The following WRN variants were observed in gnomAD, a reference collection of about 807,000 sequenced individuals.
WRN encodes WRN RecQ like helicase.
WRN carries 149 observed loss-of-function variants against 180.7 expected under a neutral mutation model. The ratio of observed to expected loss-of-function variants is 0.82; its 90% CI spans 0.72 to 0.94. WRN has a LOEUF of 0.94. Among genes scored for constraint, WRN ranks in the 40% least tolerant of loss-of-function variants. The pLI, the probability that WRN is intolerant of heterozygous loss-of-function variation, is 0.00. For synonymous variants in WRN, 548 were observed against 568.9 expected, an observed-to-expected ratio of 0.96 and a Z score of 0.52; for missense variants, 1,661 against 1,700.1, an observed-to-expected ratio of 0.98 and a Z score of 0.40.
At chr8:31,130,643 G>A (rs77478166) in intron 23 of WRN, among the ~76,000 whole-genome samples, 3,745 of 144,454 alleles carry the variant, frequency 0.026, 164 homozygotes, top group African/African-American at 0.091. Flanking sequence ...TCATTTTAAA[G>A]AAGAAGTTTA....
intron 1 of WRN, among the ~76,000 whole-genome samples, chr8:31,036,339 A>G (rs1435218538): frequency 3.9e-5 from 6 of 152,226 alleles, no homozygotes; most frequent in Non-Finnish European, 8.8e-5. Flanking sequence ...AAGTGCAGAT[A>G]GCTCTTTGAC....
At chr8:31,133,447 C>T (rs180914823) in intron 24 of WRN, among the ~76,000 whole-genome samples, 26 of 151,706 alleles carry the variant, frequency 1.7e-4, no homozygotes, top group African/African-American at 5.3e-4. Flanking sequence ...ATGGCGTGAA[C>T]GTGGGAGGCG....
chr8:31,109,039 A>G (rs916149795), intron 18 of WRN, among the ~76,000 whole-genome samples: 8 of 152,214 alleles, frequency 5.3e-5, no homozygotes, highest in Admixed American at 1.3e-4. Flanking sequence ...CTGAAATACA[A>G]AATTAATAGT....
chr8:31,166,819 G>A (rs1203759491), intron 33 of WRN, among the ~76,000 whole-genome samples: 1 of 152,058 alleles, frequency 6.6e-6, no homozygotes, highest in Non-Finnish European at 1.5e-5. Context: ...TTGGATCTTG[G>A]AGGCAGGGGC....
At chr8:31,066,520 C>G (rs1461104359) in intron 5 of WRN, among the ~76,000 whole-genome samples, 1 of 151,998 alleles carries the variant, frequency 6.6e-6, no homozygotes, top group Non-Finnish European at 1.5e-5. Context: ...GGTACTCTTT[C>G]ACTTTCATAT....
chr8:31,046,950 A>G (rs1311480974), intron 1 of WRN, among the ~76,000 whole-genome samples: 2 of 152,172 alleles, frequency 1.3e-5, no homozygotes, highest in South Asian at 4.1e-4. Context: ...ATCCTGTCCG[A>G]AAAGACTGTA....
intron 1 of WRN, among the ~76,000 whole-genome samples, chr8:31,044,317 A>T (rs1056479355): frequency 6.9e-6 from 1 of 144,908 alleles, no homozygotes; most frequent in Non-Finnish European, 1.5e-5. Flanking sequence ...CTAGGATTAC[A>T]GGCGTGAGCC....
intron 18 of WRN, among the ~76,000 whole-genome samples, chr8:31,106,521 G>C (rs1393465188): frequency 6.6e-6 from 1 of 151,778 alleles, no homozygotes; most frequent in Non-Finnish European, 1.5e-5. Flanking sequence ...GTTTTTCTTC[G>C]GACATTCCAG....
intron 5 of WRN, among the ~76,000 whole-genome samples, chr8:31,066,093 AT>A (rs1455314653): frequency 6.6e-6 from 1 of 151,660 alleles, no homozygotes; most frequent in African/African-American, 2.4e-5. Flanking sequence ...GGTCAGGCTG[AT>A]CTCGAACTCC....
intron 4 of WRN, 39 bp downstream of exon 4, chr8:31,064,473 T>C: frequency 6.2e-7 from 1 of 1,613,246 alleles, no homozygotes; most frequent in Non-Finnish European, 8.5e-7. Context: ...TGGCTGATAA[T>C]TGTAATATGT....
chr8:31,086,063 T>C (rs1363866436), intron 11 of WRN, among the ~76,000 whole-genome samples: 3 of 152,164 alleles, frequency 2.0e-5, no homozygotes, highest in Admixed American at 6.5e-5. Context: ...CCTTTACCTC[T>C]AATTTCTTTG....
intron 3 of WRN, among the ~76,000 whole-genome samples, chr8:31,062,689 A>C (rs1296033923): frequency 6.6e-6 from 1 of 152,134 alleles, no homozygotes; most frequent in Non-Finnish European, 1.5e-5. Flanking sequence ...CTGGGATTAC[A>C]GGCGTGAACC....
chr8:31,140,164 C>G (rs1211102038), intron 24 of WRN, among the ~76,000 whole-genome samples: 1 of 151,560 alleles, frequency 6.6e-6, no homozygotes, highest in African/African-American at 2.4e-5. Context: ...AGTAGCGGAA[C>G]AACAGGTACA....
chr8:31,081,340 C>T, intron 9 of WRN, 44 bp downstream of exon 9: 1 of 1,598,260 alleles, frequency 6.3e-7, no homozygotes, highest in Non-Finnish European at 8.6e-7. Context: ...TTAGTAGGTT[C>T]TGGCAGACTT....
At chr8:31,136,475 G>A (rs1292950798) in intron 24 of WRN, among the ~76,000 whole-genome samples, 5 of 152,148 alleles carry the variant, frequency 3.3e-5, no homozygotes, top group Admixed American at 3.3e-4. Context: ...TGAGCAAATG[G>A]ATTTCCTGCC....
chr8:31,058,489 A>G lies in WRN; in HGVS notation c.42A>G (p.Lys14=), dbSNP rs3087420. ...KKLETTAQQR[K]CPEWMNVQNK... The stretch of plus-strand genomic sequence containing the variant: ...TGGAAACAACTGCACAGCAGCGGAA[A>G]TGTCCTGAATGGATGAATGTGCAGA... Residue 14 remains lysine, a synonymous_variant, in exon 2 of 35, where the codon AAA becomes AAG. Transcript: ENST00000298139. 2.2e-5 allele frequency: 36 copies of G among 1,613,754 alleles called. No homozygotes were observed. The Admixed American group carries it at 5.7e-4, about 25-fold the overall frequency.
rs2130342542 is a variant in WRN, at chr8:31,124,533, C to T, written c.2642C>T (p.Thr881Ile). The change falls in exon 22 of 35, where the codon ACT becomes ATT. Residue 881 changes from threonine (T) to isoleucine (I), a missense_variant. By Grantham distance (89) the Thr-to-Ile change is moderately conservative. This residue lies in a region of WRN where 1,141 missense variants were observed against 1,149.4 expected (regional missense o/e 0.99). Coordinates refer to ENST00000298139, the MANE Select transcript of WRN (RefSeq NM_000553.6). Reference protein sequence around the residue: ...ADINLNRHLLTEIRNEKFRLY... With the variant: ...ADINLNRHLLIEIRNEKFRLY... ...TTTTTAATCGACAGGCACCTTCTTA[C>T]TGAGATACGTAATGAGAAGTTTCGA... 1.9e-6 allele frequency: 3 copies of T among 1,611,856 alleles called. No individual in the cohort carries two copies. Among genetic ancestry groups the T allele is most frequent in the Non-Finnish European group, 2.5e-6 (3 of 1,178,642 alleles).
At chr8:31,151,083 G>A (rs1803105768) in intron 31 of WRN, among the ~76,000 whole-genome samples, 1 of 152,148 alleles carries the variant, frequency 6.6e-6, no homozygotes, top group South Asian at 2.1e-4. Flanking sequence ...ACTAGACTAG[G>A]AGTCACGGAA....
At chr8:31,078,664 G>T (rs1339329488) in intron 8 of WRN, among the ~76,000 whole-genome samples, 1 of 152,204 alleles carries the variant, frequency 6.6e-6, no homozygotes, top group Non-Finnish European at 1.5e-5. Flanking sequence ...GGTATTGGCA[G>T]TGTATAGTAC....
Sources: allele counts gnomAD v4.1 joint callset (sites outside exome capture counted in the v4.1 genomes callset), GRCh38; gene constraint gnomAD v4.1.1; regional missense constraint gnomAD v4.1.1; transcripts MANE v1.5; gene names NCBI Gene and HGNC (gene_info 2026-07-23, HGNC 2026-07-21).